MAP2K4: variants seen among roughly 807,000 people sequenced by gnomAD.
MAP2K4 encodes the protein mitogen-activated protein kinase kinase 4.
A neutral mutation model predicts 48.5 loss-of-function variants in MAP2K4; 4 were observed. That is an observed-to-expected ratio of 0.08 (90% CI 0.04 to 0.19). The LOEUF (loss-of-function observed/expected upper bound fraction) is 0.19, where lower values mean the gene tolerates loss of function less well. Among genes scored for constraint, MAP2K4 ranks in the 10% least tolerant of loss-of-function variants. The pLI is 1.00. For missense variants in MAP2K4, 258 were observed against 493.3 expected (o/e 0.52, Z 4.52); for synonymous variants, 166 against 173.1 (o/e 0.96, Z 0.32).
chr17:12,097,189 C>T (rs1479865948), intron 4 of MAP2K4, among the ~76,000 whole-genome samples: 1 of 152,198 alleles, frequency 6.6e-6, no homozygotes, highest in Non-Finnish European at 1.5e-5. Context: ...TAAATCATCA[C>T]ACCATATGCA....
intron 2 of MAP2K4, among the ~76,000 whole-genome samples, chr17:12,066,478 A>G (rs966276289): frequency 1.3e-5 from 2 of 152,174 alleles, no homozygotes; most frequent in African/African-American, 4.8e-5. Context: ...GTAACTTAGT[A>G]CATCTTGAAA....
At chr17:12,028,250 A>C (rs1307111068) in intron 1 of MAP2K4, among the ~76,000 whole-genome samples, 1 of 152,192 alleles carries the variant, frequency 6.6e-6, no homozygotes, top group Non-Finnish European at 1.5e-5. Flanking sequence ...AAAGAGAGAA[A>C]AAGAGCTGGC....
At position 12,113,327 on chromosome 17, in the gene MAP2K4, G is replaced by A. The variant is rs1972370086; in HGVS notation, c.780G>A (p.Lys260=). The part of the protein sequence containing the change: ...ISGQLVDSIA[K]TRDAGCRPYM... ...GACAGCTTGTGGACTCTATTGCCAA[G>A]ACAAGAGATGCTGGCTGTAGGCCAT... The change falls in exon 7 of 11, where the codon AAG becomes AAA. Residue 260 remains lysine (K), a synonymous_variant. Coordinates refer to ENST00000353533, the MANE Select transcript of MAP2K4 (RefSeq NM_003010.4). 6.2e-7 allele frequency: 1 copy of A among 1,613,648 alleles called. No homozygotes were observed. Among genetic ancestry groups the A allele is most frequent in the Admixed American group, 1.7e-5 (1 of 59,972 alleles).
At chr17:12,114,295 AC>A (rs1298753256) in intron 7 of MAP2K4, among the ~76,000 whole-genome samples, 1 of 152,204 alleles carries the variant, frequency 6.6e-6, no homozygotes, top group African/African-American at 2.4e-5. Flanking sequence ...GCTTAGTGCT[AC>A]TACAAATTCA....
intron 2 of MAP2K4, among the ~76,000 whole-genome samples, chr17:12,076,375 CAATG>C (rs767527064): frequency 2.7e-5 from 4 of 149,080 alleles, no homozygotes; most frequent in African/African-American, 5.0e-5. Flanking sequence ...TAGTCTGGGT[CAATG>C]AAGGGACAAC....
At chr17:12,103,164 T>C (rs989253581) in intron 4 of MAP2K4, among the ~76,000 whole-genome samples, 27 of 151,318 alleles carry the variant, frequency 1.8e-4, no homozygotes, top group Non-Finnish European at 3.5e-4. Flanking sequence ...ATCAGTCTCC[T>C]GAGTAGCTGG....
chr17:12,034,182 A>C (rs1969522221), intron 1 of MAP2K4, among the ~76,000 whole-genome samples: 1 of 152,212 alleles, frequency 6.6e-6, no homozygotes, highest in African/African-American at 2.4e-5. Flanking sequence ...CATTGATTAT[A>C]GTAAAATTGT....
In MAP2K4 at chr17:12,088,410, TTA is replaced by T. The variant is rs1476218679; in HGVS notation, c.393+6887_393+6888del. On this transcript the variant is annotated intron_variant, in intron 3 of 10. Coordinates refer to ENST00000353533, the MANE Select transcript of MAP2K4 (RefSeq NM_003010.4). ...AAAATATTACAACTGTGTTGTAATATTATATATAAATTATATATAATATATTA... is the reference window on the plus strand; with the variant it reads ...AAAATATTACAACTGTGTTGTAATATTATATAAATTATATATAATATATTA... Among the ~76,000 whole-genome samples, 149 of 142,564 alleles carry T rather than the reference TTA, an allele frequency of 1.0e-3. 1 individual carries two copies. The highest frequency in any genetic ancestry group is 3.6e-3 in the African/African-American group (145 of 39,760). The allele number at this position is 142,564 out of a possible 152,430, so 93.5% of individuals were successfully genotyped here.
In MAP2K4 at chr17:12,048,346, C is replaced by T. The variant is rs1220684719; in HGVS notation, c.116-6543C>T. Among the ~76,000 whole-genome samples, 4 of 152,296 alleles carry T rather than the reference C, an allele frequency of 2.6e-5. No homozygotes were observed. The East Asian group carries it at 5.8e-4, about 22-fold the overall frequency. On this transcript the variant is annotated intron_variant, in intron 1 of 10. Transcript: ENST00000353533. ...TTGGGCTTTCTAAAAATCCATTTTA[C>T]ACACAAAAGTGTAAAATGTGCTAAA...
intron 7 of MAP2K4, among the ~76,000 whole-genome samples, chr17:12,122,239 G>A (rs1405900186): frequency 5.9e-5 from 9 of 152,162 alleles, no homozygotes; most frequent in South Asian, 2.1e-4. Context: ...CAACTATTCC[G>A]TACTTGCTCC....
chr17:12,111,005 A>G (rs1972286691), intron 6 of MAP2K4, among the ~76,000 whole-genome samples: 1 of 152,210 alleles, frequency 6.6e-6, no homozygotes, highest in African/African-American at 2.4e-5. Flanking sequence ...ACCCTGTGGG[A>G]ATCCTGAATT....
At chr17:12,125,180 TG>T in intron 7 of MAP2K4, 113 bp from the exon 8 acceptor site, 1 of 743,804 alleles carries the variant, frequency 1.3e-6, no homozygotes, top group Non-Finnish European at 2.5e-6. Flanking sequence ...ACGCTAGACA[TG>T]GATTCCTCTA....
chr17:12,037,858 C>G (rs1275231681), intron 1 of MAP2K4, among the ~76,000 whole-genome samples: 1 of 151,992 alleles, frequency 6.6e-6, no homozygotes, highest in African/African-American at 2.4e-5. Flanking sequence ...ATACTTTATG[C>G]TTATACCTTA....
intron 9 of MAP2K4, among the ~76,000 whole-genome samples, chr17:12,135,904 G>A (rs1301048286): frequency 1.3e-5 from 2 of 152,160 alleles, no homozygotes; most frequent in African/African-American, 4.8e-5. Flanking sequence ...AATCCATGGA[G>A]CTCTGAAGTT....
chr17:12,131,234 C>CTTTTTTTTTTTTTTT (rs11307653), intron 9 of MAP2K4, among the ~76,000 whole-genome samples: 3 of 130,932 alleles, frequency 2.3e-5, no homozygotes, highest in Non-Finnish European at 3.3e-5. Flanking sequence ...GGTCACATTT[C>CTTTTTTTTTTTTTTT]TTTTTTTTTT....
At chr17:12,124,073 A>G (rs1972775282) in intron 7 of MAP2K4, among the ~76,000 whole-genome samples, 1 of 86,464 alleles carries the variant, frequency 1.2e-5, no homozygotes, top group African/African-American at 3.4e-5. Context: ...ACTTATATTT[A>G]CAACAAAAAA....
chr17:12,119,777 TGTG>T (rs1972622810), intron 7 of MAP2K4, among the ~76,000 whole-genome samples: 1 of 152,104 alleles, frequency 6.6e-6, no homozygotes, highest in Admixed American at 6.5e-5. Flanking sequence ...ATAAAGAAAA[TGTG>T]GTACATATAC....
chr17:12,024,253 T>C (rs143253567), intron 1 of MAP2K4, among the ~76,000 whole-genome samples: 9 of 152,304 alleles, frequency 5.9e-5, no homozygotes, highest in African/African-American at 9.6e-5. Context: ...ATTTTTTTCA[T>C]AGGGGATGGG....
At chr17:12,129,755 C>T (rs1369970965) in intron 9 of MAP2K4, among the ~76,000 whole-genome samples, 4 of 152,188 alleles carry the variant, frequency 2.6e-5, no homozygotes, top group Non-Finnish European at 5.9e-5. Flanking sequence ...CACATCCACA[C>T]GCAAAGTGTA....
Sources: allele counts gnomAD v4.1 joint callset (sites outside exome capture counted in the v4.1 genomes callset), GRCh38; gene constraint gnomAD v4.1.1; transcripts MANE v1.5; gene names NCBI Gene and HGNC (gene_info 2026-07-23, HGNC 2026-07-21).